EXOC2: variants seen among roughly 807,000 people sequenced by gnomAD.
EXOC2 encodes the protein SEC5-like 1.
EXOC2 carries 70 observed loss-of-function variants against 131.8 expected under a neutral mutation model. The observed-to-expected ratio is 0.53, with a 90% CI of 0.44 to 0.65. EXOC2 has a LOEUF of 0.65. Among genes scored for constraint, EXOC2 ranks in the 30% least tolerant of loss-of-function variants. The pLI, the probability that EXOC2 is intolerant of heterozygous loss-of-function variation, is 0.00. For synonymous variants in EXOC2, 411 were observed against 398.4 expected, an observed-to-expected ratio of 1.03 and a Z score of -0.38; for missense variants, 923 against 1,108.6, an observed-to-expected ratio of 0.83 and a Z score of 2.38.
intron 23 of EXOC2, among the ~76,000 whole-genome samples, chr6:510,093 ACTGC>A (rs1398476264): frequency 6.6e-6 from 1 of 152,150 alleles, no homozygotes; most frequent in Non-Finnish European, 1.5e-5. Context: ...TATCGAAATT[ACTGC>A]CTAATTAAAA....
intron 1 of EXOC2, among the ~76,000 whole-genome samples, chr6:644,961 G>A (rs562628403): frequency 6.6e-6 from 1 of 152,164 alleles, no homozygotes; most frequent in Non-Finnish European, 1.5e-5. Context: ...TATTGTCAAG[G>A]TCATTCTAAA....
intron 1 of EXOC2, among the ~76,000 whole-genome samples, chr6:684,090 C>T (rs1421171073): frequency 6.6e-6 from 1 of 151,248 alleles, no homozygotes; most frequent in African/African-American, 2.4e-5. Flanking sequence ...ACCACACACT[C>T]GGACCACACA....
chr6:604,214 T>C (rs911615198), intron 7 of EXOC2, among the ~76,000 whole-genome samples: 4 of 152,214 alleles, frequency 2.6e-5, no homozygotes, highest in African/African-American at 7.2e-5. Flanking sequence ...CCTCTCCTTA[T>C]GCGCCAAACG....
intron 2 of EXOC2, among the ~76,000 whole-genome samples, chr6:635,513 C>G (rs1762057975): frequency 6.6e-6 from 1 of 152,118 alleles, no homozygotes; most frequent in Non-Finnish European, 1.5e-5. Context: ...AGACCTATTT[C>G]TTGATTTCTT....
intron 6 of EXOC2, among the ~76,000 whole-genome samples, chr6:615,889 G>C (rs1760975646): frequency 6.6e-6 from 1 of 152,164 alleles, no homozygotes; most frequent in Non-Finnish European, 1.5e-5. Context: ...GGGATAATTT[G>C]AGAAATCTGA....
At chr6:668,015 T>C (rs924899453) in intron 1 of EXOC2, among the ~76,000 whole-genome samples, 12 of 152,202 alleles carry the variant, frequency 7.9e-5, no homozygotes, top group African/African-American at 2.9e-4. Flanking sequence ...CCTTGCATGG[T>C]TTCTGAAGAG....
intron 16 of EXOC2, 113 bp downstream of exon 16, chr6:563,920 C>T (rs561689555): frequency 7.0e-7 from 1 of 1,425,572 alleles, no homozygotes; most frequent in South Asian, 1.5e-5. Flanking sequence ...CTAATATATT[C>T]CAATTTCCAG....
intron 26 of EXOC2, 33 bp from the exon 27 acceptor site, chr6:489,071 C>A (rs746528681): frequency 1.9e-6 from 3 of 1,610,056 alleles, no homozygotes; most frequent in Non-Finnish European, 2.5e-6. Context: ...GAAGTTGAAG[C>A]CTTGCACAGG....
intron 1 of EXOC2, among the ~76,000 whole-genome samples, chr6:678,705 G>A (rs1410014691): frequency 6.6e-6 from 1 of 152,282 alleles, no homozygotes; most frequent in East Asian, 1.9e-4. Flanking sequence ...GGGGCTCCAG[G>A]GCAACAGGGG....
intron 17 of EXOC2, among the ~76,000 whole-genome samples, chr6:560,072 A>T (rs1215602691): frequency 6.6e-6 from 1 of 152,200 alleles, no homozygotes; most frequent in Non-Finnish European, 1.5e-5. Context: ...AGGTCTATAG[A>T]AAAGAGCTCT....
At position 619,156 on chromosome 6, in the gene EXOC2, C is replaced by T. The variant is rs375437930; in HGVS notation, c.536+274G>A. Among the ~76,000 whole-genome samples the T allele has an allele frequency of 1.1e-4, 17 of 152,246 alleles. No homozygotes were observed. In the East Asian group the frequency reaches 1.2e-3, roughly 10 times the overall value. On this transcript the variant is annotated intron_variant, in intron 5 of 27. Transcript: ENST00000230449. ...TGTCAGTTTAAGTCCCCAGCTAAGG[C>T]TCCATAAATTTTTAATAACCTGCAT...
At chr6:600,219 T>C (rs941070084) in intron 7 of EXOC2, among the ~76,000 whole-genome samples, 5 of 151,846 alleles carry the variant, frequency 3.3e-5, no homozygotes, top group African/African-American at 1.2e-4. Context: ...ATGTTTAAAT[T>C]CTGTTGAAAT....
At position 617,751 on chromosome 6, in the gene EXOC2, G is replaced by A. The variant is rs1284513892; in HGVS notation, c.621C>T (p.Gly207=). ...KSEGSLAYVK[G]GLSTFFEAQD... is the part of the protein sequence containing the mutation. Reference sequence around the variant, plus strand: ...GTGCTTCGAAGAATGTACTGAGACCGCCTTTCACATAGGCCAGGCTGCCCT... The same window carrying A: ...GTGCTTCGAAGAATGTACTGAGACCACCTTTCACATAGGCCAGGCTGCCCT... The change falls in exon 6 of 28, where the codon GGC becomes GGT. Residue 207 remains glycine, a synonymous_variant. Transcript: ENST00000230449. The A allele has an allele frequency of 3.1e-6, 5 of 1,613,156 alleles. No homozygotes were observed. Among genetic ancestry groups the A allele is most frequent in the Middle Eastern group, 1.6e-4 (1 of 6,080 alleles).
intron 22 of EXOC2, among the ~76,000 whole-genome samples, chr6:535,141 A>G (rs1048982597): frequency 1.3e-5 from 2 of 152,214 alleles, no homozygotes; most frequent in African/African-American, 2.4e-5. Context: ...ACAGAAATCA[A>G]TATCTTAAAA....
Position 564,033 on chromosome 6 carries a change from C to T in EXOC2, c.1789G>A (p.Glu597Lys). Residue 597 changes from glutamate (E) to lysine (K), a missense_variant and splice_region_variant, in exon 16 of 28, where the codon GAA becomes AAA. Glu to Lys is a moderately conservative substitution (Grantham distance 56). Coordinates refer to ENST00000230449, the MANE Select transcript of EXOC2 (RefSeq NM_018303.6). ...ACGTCACCGATTTATCAAAACACAC[C>T]TTCCGCCGTGTGCTGCAACGTGGCC... ...VMATLQHTAE[E>K]IKRLAEKEDW... 1.2e-6 allele frequency: 2 copies of T among 1,613,428 alleles called. No homozygotes were observed. Among genetic ancestry groups the T allele is most frequent in the Non-Finnish European group, 1.7e-6 (2 of 1,179,744 alleles).
chr6:692,986 C>T (rs948067758), intron 1 of EXOC2, 33 bp downstream of exon 1: 2 of 152,788 alleles, frequency 1.3e-5, no homozygotes, highest in African/African-American at 4.8e-5. Context: ...TCCCGCTGGC[C>T]TTCGGCCAGG....
intron 13 of EXOC2, among the ~76,000 whole-genome samples, chr6:565,186 C>T (rs1045327906): frequency 3.3e-5 from 5 of 152,132 alleles, no homozygotes; most frequent in East Asian, 1.9e-4. Flanking sequence ...TTGAAACTAC[C>T]GATTTTACAG....
chr6:539,031 C>T (rs1211835075), intron 22 of EXOC2, among the ~76,000 whole-genome samples: 1 of 150,496 alleles, frequency 6.6e-6, no homozygotes, highest in African/African-American at 2.5e-5. Context: ...GATCACACCA[C>T]TGCACTACAG....
Position 657,502 on chromosome 6 carries a change from A to G in EXOC2, c.-43-19641T>C, listed in dbSNP as rs548844470. Among the ~76,000 whole-genome samples, 135 of 152,320 alleles carry G rather than the reference A, an allele frequency of 8.9e-4. 1 individual carries two copies. In the Middle Eastern group the frequency reaches 0.027, roughly 31 times the overall value. On this transcript the variant is annotated intron_variant, in intron 1 of 27. Coordinates refer to ENST00000230449, the MANE Select transcript of EXOC2 (RefSeq NM_018303.6). ...GGCTGCTCACTTTTCCAGTGTATGG[A>G]GTTATAACACAAATGACATTTGGAT...
Sources: gnomAD v4.1 joint callset for allele counts (sites outside exome capture counted in the v4.1 genomes callset) on GRCh38, gnomAD v4.1.1 for gene constraint, MANE v1.5 for transcripts, NCBI Gene and HGNC (gene_info 2026-07-23, HGNC 2026-07-21) for gene names.